EIF2S2: variants seen among roughly 807,000 people sequenced by gnomAD.
EIF2S2 encodes eukaryotic translation initiation factor 2 subunit beta, also known as eukaryotic translation initiation factor 2 subunit 2.
In EIF2S2, 4 loss-of-function variants were observed where a neutral mutation model predicts 44.0. The ratio of observed to expected loss-of-function variants is 0.09; its 90% confidence interval spans 0.04 to 0.21. The LOEUF (loss-of-function observed/expected upper bound fraction) is 0.21. EIF2S2 is among the 10% of genes least tolerant of loss of function. EIF2S2 has a pLI of 1.00. For synonymous variants in EIF2S2, 108 were observed against 128.3 expected, an observed-to-expected ratio of 0.84 and a Z score of 1.07; for missense variants, 154 against 392.0, an observed-to-expected ratio of 0.39 and a Z score of 5.13.
chr20:34,110,924 A>G (rs927281099), intron 1 of EIF2S2, among the ~76,000 whole-genome samples: 3 of 152,230 alleles, frequency 2.0e-5, no homozygotes, highest in Non-Finnish European at 4.4e-5. Context: ...ATCCTAGTCA[A>G]TCTGGAATTC....
At chr20:34,103,087 A>T (rs1047323785) in intron 3 of EIF2S2, among the ~76,000 whole-genome samples, 1 of 152,196 alleles carries the variant, frequency 6.6e-6, no homozygotes, top group African/African-American at 2.4e-5. Context: ...AGAGGTACAC[A>T]TATCAATTTG....
In EIF2S2 at chr20:34,098,600, T is replaced by A; in HGVS notation, c.331A>T (p.Thr111Ser). ...ATGTCAAGGTCATCCTCTGGTTCAG[T>A]TGGTTCTTGAACATCACTTTCAATC... ...LKIESDVQEP[T>S]EPEDDLDIML... is the part of the protein sequence containing the mutation. The change falls in exon 4 of 9, where the codon ACT (threonine) becomes TCT (serine). Residue 111 changes from threonine (T) to serine (S), a missense_variant. Coordinates refer to ENST00000374980, the MANE Select transcript of EIF2S2 (RefSeq NM_003908.5). The A allele has an allele frequency of 1.2e-6, 2 of 1,614,016 alleles. No homozygotes were observed. The highest frequency in any genetic ancestry group is 1.7e-6 in the Non-Finnish European group (2 of 1,180,010).
chr20:34,093,779 C>A, intron 6 of EIF2S2, 48 bp from the exon 7 acceptor site: 1 of 1,488,610 alleles, frequency 6.7e-7, no homozygotes, highest in Non-Finnish European at 9.2e-7. Flanking sequence ...ATGGAAATCT[C>A]ACCAAACTTC....
intron 7 of EIF2S2, among the ~76,000 whole-genome samples, chr20:34,090,888 A>G (rs1308269188): frequency 6.6e-6 from 1 of 151,686 alleles, no homozygotes; most frequent in African/African-American, 2.4e-5. Context: ...AGCTAGGACT[A>G]CAGGCACTCC....
In EIF2S2 at chr20:34,089,829, C is replaced by T. The variant is rs558864498; in HGVS notation, c.903G>A (p.Gln301=). ...LQKDTRLYFL[Q]CETCHSRCSV... The stretch of plus-strand genomic sequence containing the variant: ...AACATCTAGAATGACAAGTTTCGCA[C>T]TGTAGGAAATAGAGTCGTGTGTCCT... The change falls in exon 9 of 9, where the codon CAG becomes CAA. Residue 301 remains glutamine, a synonymous_variant. Coordinates refer to ENST00000374980, the MANE Select transcript of EIF2S2 (RefSeq NM_003908.5). The T allele has an allele frequency of 2.5e-6, 4 of 1,613,922 alleles. No individual in the cohort carries two copies. The Admixed American group carries it at 6.7e-5, about 27-fold the overall frequency.
At chr20:34,109,419 T>A (rs1457295381) in intron 1 of EIF2S2, among the ~76,000 whole-genome samples, 1 of 152,158 alleles carries the variant, frequency 6.6e-6, no homozygotes, top group Non-Finnish European at 1.5e-5. Flanking sequence ...GGTTCCATGT[T>A]GGGAGGCTGA....
chr20:34,090,356 A>C (rs959417223), intron 8 of EIF2S2, among the ~76,000 whole-genome samples, 161 bp downstream of exon 8: 1 of 152,204 alleles, frequency 6.6e-6, no homozygotes, highest in African/African-American at 2.4e-5. Context: ...CTATACCCCT[A>C]GTTAGTAGGC....
chr20:34,109,807 A>C (rs931298441), intron 1 of EIF2S2, among the ~76,000 whole-genome samples: 3 of 151,982 alleles, frequency 2.0e-5, no homozygotes, highest in Admixed American at 6.5e-5. Context: ...AAGAAAAAAA[A>C]AAAACAAAAA....
At chr20:34,101,113 T>C (rs546402508) in intron 3 of EIF2S2, among the ~76,000 whole-genome samples, 1 of 152,278 alleles carries the variant, frequency 6.6e-6, no homozygotes, top group South Asian at 2.1e-4. Flanking sequence ...GGATCCCAAA[T>C]CCAGTTGTGT....
chr20:34,093,404 G>GT (rs1555812199), intron 7 of EIF2S2, among the ~76,000 whole-genome samples: 1 of 152,208 alleles, frequency 6.6e-6, no homozygotes, highest in Non-Finnish European at 1.5e-5. Context: ...AGACTCAAGA[G>GT]TTTCAGTTAG....
Position 34,089,653 on chromosome 20 carries a change from A to G in EIF2S2, c.*77T>C, listed in dbSNP as rs2034139815. On this transcript the variant is annotated 3_prime_UTR_variant, in exon 9 of 9. Transcript: ENST00000374980. ...GCTTTTTTATCTTGTTTTTAATACAACGGTATATCCACTCTGATGGCAAAC... is the reference window on the plus strand; with the variant it reads ...GCTTTTTTATCTTGTTTTTAATACAGCGGTATATCCACTCTGATGGCAAAC... The G allele has an allele frequency of 1.2e-5, 18 of 1,487,182 alleles. No individual in the cohort carries two copies. The highest frequency in any genetic ancestry group is 2.3e-5 in the Admixed American group (1 of 43,032). 92.1% of individuals were successfully genotyped at this position (1,487,182 alleles called of 1,614,324 possible).
Position 34,098,577 on chromosome 20 carries a change from G to C in EIF2S2, c.354C>G (p.Asp118Glu). Residue 118 changes from aspartate to glutamate, a missense_variant, in exon 4 of 9, where the codon GAC becomes GAG. Physicochemically the swap from Asp to Glu is conservative, Grantham distance 45. Transcript: ENST00000374980. ...QEPTEPEDDL[D>E]IMLGNKKKKK... ...TCTTCTTTTTATTGCCAAGCATAAT[G>C]TCAAGGTCATCCTCTGGTTCAGTTG... The C allele has an allele frequency of 6.2e-7, 1 of 1,613,894 alleles. No homozygotes were observed. Among genetic ancestry groups the C allele is most frequent in the Non-Finnish European group, 8.5e-7 (1 of 1,179,982 alleles).
chr20:34,098,744 T>C (rs1045608938), intron 3 of EIF2S2, 111 bp from the exon 4 acceptor site: 151 of 1,314,196 alleles, frequency 1.1e-4, no homozygotes, highest in Non-Finnish European at 1.4e-4. Flanking sequence ...CTCAGGCTAG[T>C]CTCAAACTCC....
chr20:34,090,508 T>C lies in EIF2S2; in HGVS notation c.826+9A>G, dbSNP rs1194409407. On this transcript the variant is annotated intron_variant, in intron 8 of 8. Transcript: ENST00000374980. ...CAGGGTGATCTAATGAAATGAATTA[T>C]ACACTTACTGATATATCTTCTCAAG... 5.5e-6 allele frequency: 8 copies of C among 1,465,828 alleles called. No homozygotes were observed. The highest frequency in any genetic ancestry group is 2.5e-5 in the East Asian group (1 of 39,792). 90.8% of individuals were successfully genotyped at this position (1,465,828 alleles called of 1,614,324 possible).
intron 1 of EIF2S2, among the ~76,000 whole-genome samples, chr20:34,109,825 C>CTGGG (rs1399569949): frequency 2.0e-5 from 3 of 150,804 alleles, no homozygotes; most frequent in Admixed American, 6.6e-5. Flanking sequence ...AAACAGAAGG[C>CTGGG]TGGGCATGGT....
intron 1 of EIF2S2, among the ~76,000 whole-genome samples, chr20:34,108,845 C>T (rs1445514495): frequency 6.6e-6 from 1 of 152,002 alleles, no homozygotes; most frequent in Non-Finnish European, 1.5e-5. Flanking sequence ...AAAGAACCCA[C>T]AGAGAAGCAA....
intron 6 of EIF2S2, among the ~76,000 whole-genome samples, chr20:34,094,167 C>G (rs1323967452): frequency 6.6e-6 from 1 of 152,214 alleles, no homozygotes; most frequent in Non-Finnish European, 1.5e-5. Context: ...GCCAGGATTA[C>G]AGATGTGAAC....
At chr20:34,091,775 T>TTTTG (rs1234428489) in intron 7 of EIF2S2, among the ~76,000 whole-genome samples, 1 of 65,798 alleles carries the variant, frequency 1.5e-5, no homozygotes, top group East Asian at 7.5e-4. Flanking sequence ...ATTTATTTTT[T>TTTTG]TGGGGGGGGG....
chr20:34,093,049 A>AAG (rs2034186100), intron 7 of EIF2S2, among the ~76,000 whole-genome samples: 1 of 152,242 alleles, frequency 6.6e-6, no homozygotes, highest in African/African-American at 2.4e-5. Flanking sequence ...CTTGGCACAA[A>AAG]AGAGGTGCTC....
Sources: allele counts gnomAD v4.1 joint callset (sites outside exome capture counted in the v4.1 genomes callset), GRCh38; gene constraint gnomAD v4.1.1; transcripts MANE v1.5; gene names NCBI Gene and HGNC (gene_info 2026-07-23, HGNC 2026-07-21).